The following ERG variants were observed in gnomAD, a reference collection of about 807,000 sequenced individuals.
ERG encodes the protein transcriptional regulator ERG.
In ERG, 9 loss-of-function variants were observed where a neutral mutation model predicts 55.3. The observed-to-expected ratio is 0.16, with a 90% CI of 0.10 to 0.28. The LOEUF is 0.28. Ranked by LOEUF, ERG falls within the 10% of genes least tolerant of loss-of-function variation. The pLI, the probability that ERG is intolerant of heterozygous loss-of-function variation, is 1.00. For synonymous variants in ERG, 223 were observed against 237.3 expected, an observed-to-expected ratio of 0.94 and a Z score of 0.55; for missense variants, 434 against 631.6, an observed-to-expected ratio of 0.69 and a Z score of 3.35.
At chr21:38,527,661 C>T (rs1183881095) in intron 2 of ERG, among the ~76,000 whole-genome samples, 1 of 152,108 alleles carries the variant, frequency 6.6e-6, no homozygotes, top group Non-Finnish European at 1.5e-5. Flanking sequence ...AAAGAAAAAG[C>T]TGGAATTCTC....
the ERG span, among the ~76,000 whole-genome samples, chr21:38,368,623 T>A: frequency 2.6e-5 from 4 of 152,134 alleles, no homozygotes; most frequent in Admixed American, 6.5e-5. Context: ...TTTTATTAAC[T>A]TTAATTTTGA....
intron 1 of ERG, among the ~76,000 whole-genome samples, chr21:38,455,109 T>C (rs796721648): frequency 9.4e-4 from 38 of 40,440 alleles, no homozygotes; most frequent in African/African-American, 2.3e-3. Context: ...TTTCTTTCTT[T>C]CTTTCTTTCT....
At chr21:38,408,573 A>C (rs1383422569) in intron 3 of ERG, among the ~76,000 whole-genome samples, 2 of 152,220 alleles carry the variant, frequency 1.3e-5, no homozygotes, top group Admixed American at 1.3e-4. Flanking sequence ...CTGCAGCTGT[A>C]GATGATGGTT....
chr21:38,382,828 C>T lies in ERG; in HGVS notation c.*575G>A, dbSNP rs1420724500. The stretch of plus-strand genomic sequence containing the variant: ...CATCTTCACAGTTTGAGAAAGCTGA[C>T]AGCTGTCCATCAAACGGAATGTATT... On this transcript the variant is annotated 3_prime_UTR_variant, in exon 10 of 10. Coordinates refer to ENST00000288319, the MANE Select transcript of ERG (RefSeq NM_182918.4). The T allele has an allele frequency of 9.4e-7, 1 of 1,066,228 alleles. No homozygotes were observed. The highest frequency in any genetic ancestry group is 1.1e-6 in the Non-Finnish European group (1 of 879,540). 66.0% of individuals were successfully genotyped at this position (1,066,228 alleles called of 1,614,324 possible).
intron 2 of ERG, among the ~76,000 whole-genome samples, chr21:38,436,030 T>G (rs1289185999): frequency 6.6e-6 from 1 of 150,762 alleles, no homozygotes; most frequent in Admixed American, 6.6e-5. Flanking sequence ...CTTTTTTTTT[T>G]TTTTTTGAGA....
chr21:38,579,883 C>T (rs1191824387), intron 1 of ERG, among the ~76,000 whole-genome samples: 6 of 151,090 alleles, frequency 4.0e-5, no homozygotes, highest in Admixed American at 1.3e-4. Context: ...TGCAGTGGTA[C>T]GATCTCGGCT....
intron 2 of ERG, among the ~76,000 whole-genome samples, chr21:38,440,466 T>C (rs2836397): frequency 0.048 from 7,368 of 152,156 alleles, 202 homozygotes; most frequent in Middle Eastern, 0.14. Context: ...GTGTCCAAAA[T>C]AAAGCAGAGT....
At chr21:38,465,263 C>G (rs1010212963) in intron 1 of ERG, among the ~76,000 whole-genome samples, 13 of 152,126 alleles carry the variant, frequency 8.5e-5, no homozygotes, top group Non-Finnish European at 1.8e-4. Flanking sequence ...GGCACAGAGA[C>G]TTTTTGAAAA....
intron 2 of ERG, among the ~76,000 whole-genome samples, chr21:38,440,647 C>A (rs1225668089): frequency 6.6e-6 from 1 of 151,846 alleles, no homozygotes; most frequent in African/African-American, 2.4e-5. Flanking sequence ...ATGGTGAAGC[C>A]CCATCTCCGC....
intron 1 of ERG, among the ~76,000 whole-genome samples, chr21:38,621,685 T>C (rs460597): frequency 0.98 from 149,018 of 152,282 alleles, 72,930 homozygotes; most frequent in East Asian, 1. Context: ...AACCCATCTC[T>C]TCTGGCAGAT....
In ERG at chr21:38,597,888, C is replaced by T. The variant is rs191785404; in HGVS notation, c.-149-12943G>A. Among the ~76,000 whole-genome samples the T allele has an allele frequency of 1.6e-3, 246 of 152,262 alleles. 1 individual carries two copies. The highest frequency in any genetic ancestry group is 4.5e-3 in the African/African-American group (189 of 41,546). ...ATAAAATCATATAATTTAGAAATTA[C>T]GTGATGTAATTAACATTTGCAATCC... is the stretch of plus-strand genomic sequence containing the variant. On this transcript the variant is annotated intron_variant, in intron 1 of 10. Transcript: ENST00000398910.
chr21:38,394,587 C>T (rs1244631104), intron 6 of ERG, among the ~76,000 whole-genome samples: 7 of 152,192 alleles, frequency 4.6e-5, no homozygotes, highest in South Asian at 2.1e-4. Context: ...CTCCTGACCC[C>T]GTGATCCGCC....
intron 2 of ERG, among the ~76,000 whole-genome samples, chr21:38,539,719 A>G (rs1481877136): frequency 6.6e-6 from 1 of 151,982 alleles, no homozygotes; most frequent in African/African-American, 2.4e-5. Context: ...CTAATGGGTC[A>G]TGCTCCTATA....
chr21:38,631,726 C>A (rs1291130241), intron 1 of ERG, among the ~76,000 whole-genome samples: 1 of 151,942 alleles, frequency 6.6e-6, no homozygotes, highest in African/African-American at 2.4e-5. Flanking sequence ...CAAAAAGTTC[C>A]CACACCCCTA....
chr21:38,395,079 A>G (rs1025561691), intron 6 of ERG, among the ~76,000 whole-genome samples: 1 of 152,222 alleles, frequency 6.6e-6, no homozygotes. Context: ...TTTTCAGCCA[A>G]GTATTTGAGA....
chr21:38,542,605 T>C (rs1034490883), intron 2 of ERG, among the ~76,000 whole-genome samples: 17 of 152,206 alleles, frequency 1.1e-4, no homozygotes, highest in African/African-American at 3.6e-4. Flanking sequence ...TTTCTAAAAA[T>C]AGAGAAATAG....
chr21:38,404,513 G>T (rs1043104799), intron 3 of ERG, among the ~76,000 whole-genome samples: 1 of 152,180 alleles, frequency 6.6e-6, no homozygotes. Context: ...AACGCCAGCC[G>T]GGATGTCCTG....
rs922812863 is a variant in ERG, at chr21:38,380,529, G to T, written c.*2874C>A. 1 of 1,065,690 alleles carries T rather than the reference G, an allele frequency of 9.4e-7. No individual in the cohort carries two copies. The highest frequency in any genetic ancestry group is 1.6e-5 in the African/African-American group (1 of 61,096). 66.0% of individuals were successfully genotyped at this position (1,065,690 alleles called of 1,614,324 possible). A position where few individuals can be genotyped will look rare whatever the true frequency, so the allele number is the denominator to read the frequency against. On this transcript the variant is annotated 3_prime_UTR_variant, in exon 10 of 10. Coordinates refer to ENST00000288319, the MANE Select transcript of ERG (RefSeq NM_182918.4). ...CAGGAGTAAGATTGTACAGGAGTCT[G>T]AGTATACATCAGGGCAAGCCAAGAG...
intron 3 of ERG, among the ~76,000 whole-genome samples, chr21:38,420,976 G>A (rs1355146157): frequency 1.3e-5 from 2 of 152,166 alleles, no homozygotes; most frequent in African/African-American, 4.8e-5. Flanking sequence ...TCCTTTGGGT[G>A]TCTACTTCAC....
Sources: gnomAD v4.1 joint callset for allele counts (sites outside exome capture counted in the v4.1 genomes callset) on GRCh38, gnomAD v4.1.1 for gene constraint, MANE v1.5 for transcripts, NCBI Gene and HGNC (gene_info 2026-07-23, HGNC 2026-07-21) for gene names.